KIF6: variants seen among roughly 807,000 people sequenced by gnomAD.
KIF6 encodes kinesin-like protein KIF6.
In KIF6, 106 loss-of-function variants were observed where a neutral mutation model predicts 112.7. The ratio of observed to expected loss-of-function variants is 0.94; its 90% confidence interval spans 0.80 to 1.11. The LOEUF (loss-of-function observed/expected upper bound fraction) is 1.11. KIF6 is among the 50% of genes least tolerant of loss of function. The pLI is 0.00. For missense variants in KIF6, 929 were observed against 964.0 expected (o/e 0.96, Z 0.48); for synonymous variants, 339 against 339.9 (o/e 1.00, Z 0.03).
At chr6:39,368,062 A>T (rs1236659314) in intron 16 of KIF6, among the ~76,000 whole-genome samples, 1 of 152,100 alleles carries the variant, frequency 6.6e-6, no homozygotes, top group African/African-American at 2.4e-5. Context: ...GGCCCTACAG[A>T]AGTTTAGATA....
At chr6:39,553,430 C>A (rs1053432311) in intron 10 of KIF6, among the ~76,000 whole-genome samples, 1 of 152,164 alleles carries the variant, frequency 6.6e-6, no homozygotes, top group African/African-American at 2.4e-5. Flanking sequence ...ATAGCAAATG[C>A]GAAAAATCAA....
At chr6:39,345,918 T>G in intron 20 of KIF6, 129 bp from the exon 21 acceptor site, 1 of 655,416 alleles carries the variant, frequency 1.5e-6, no homozygotes, top group Non-Finnish European at 2.7e-6. Flanking sequence ...GACACCCTAA[T>G]TCCCAGTGTG....
intron 13 of KIF6, among the ~76,000 whole-genome samples, chr6:39,513,912 G>A (rs930525077): frequency 2.0e-5 from 3 of 152,014 alleles, no homozygotes; most frequent in Admixed American, 1.3e-4. Context: ...CCTCTCTATG[G>A]AAAATAATAT....
intron 3 of KIF6, among the ~76,000 whole-genome samples, chr6:39,642,913 G>A (rs1439521207): frequency 6.6e-6 from 1 of 152,058 alleles, no homozygotes; most frequent in Non-Finnish European, 1.5e-5. Flanking sequence ...AGCATTGAAG[G>A]TATGCCCCAA....
chr6:39,337,348 T>C (rs1763089739), intron 22 of KIF6, among the ~76,000 whole-genome samples: 1 of 149,794 alleles, frequency 6.7e-6, no homozygotes, highest in Non-Finnish European at 1.5e-5. Flanking sequence ...AGTCTTGCTC[T>C]GTTACCCAGG....
rs1004439470 is a variant in KIF6 at position 39,399,251 on chromosome 6, G to A, written c.1811-13579C>T. Among the ~76,000 whole-genome samples, 6 of 152,186 alleles carry A rather than the reference G, an allele frequency of 3.9e-5. 1 individual carries two copies. The highest frequency in any genetic ancestry group is 3.3e-4 in the Admixed American group (5 of 15,278). ...ATGATGTGGATGTGTCCTTGTCCAA[G>A]CACCTGCTGTAGCTCTTTGGGAACA... is the stretch of plus-strand genomic sequence containing the variant. On this transcript the variant is annotated intron_variant, in intron 15 of 22. Coordinates refer to ENST00000287152, the MANE Select transcript of KIF6 (RefSeq NM_145027.6).
At chr6:39,506,317 A>G (rs555927075) in intron 13 of KIF6, among the ~76,000 whole-genome samples, 11 of 152,186 alleles carry the variant, frequency 7.2e-5, no homozygotes, top group African/African-American at 2.6e-4. Context: ...ATGAGGACAC[A>G]TGGATGCAGG....
At chr6:39,697,899 A>AT (rs1441799965) in intron 3 of KIF6, among the ~76,000 whole-genome samples, 10 of 152,182 alleles carry the variant, frequency 6.6e-5, no homozygotes, top group African/African-American at 2.4e-4. Flanking sequence ...CATATTAAGG[A>AT]TAAAACAGAT....
intron 13 of KIF6, among the ~76,000 whole-genome samples, chr6:39,520,000 CAACAGAG>C (rs1373180646): frequency 6.6e-6 from 1 of 152,108 alleles, no homozygotes; most frequent in Non-Finnish European, 1.5e-5. Context: ...CCAGCCTGGG[CAACAGAG>C]TGAAACTCCA....
chr6:39,585,040 T>C (rs528015321), intron 8 of KIF6, 56 bp from the exon 9 acceptor site: 29 of 987,784 alleles, frequency 2.9e-5, no homozygotes, highest in South Asian at 2.6e-4. Flanking sequence ...TATTTCTTTC[T>C]AGATAAAACT....
intron 7 of KIF6, among the ~76,000 whole-genome samples, chr6:39,594,238 C>T (rs1298783378): frequency 6.6e-6 from 1 of 151,022 alleles, no homozygotes; most frequent in African/African-American, 2.4e-5. Context: ...AAGGGCAGAA[C>T]ATTTCTCTTG....
At chr6:39,512,847 C>T (rs906437407) in intron 13 of KIF6, among the ~76,000 whole-genome samples, 16 of 152,104 alleles carry the variant, frequency 1.1e-4, no homozygotes, top group African/African-American at 3.9e-4. Flanking sequence ...TTCGAATGCT[C>T]CCTTTCTGAC....
chr6:39,485,747 C>T (rs1466862952), intron 13 of KIF6, among the ~76,000 whole-genome samples: 1 of 152,108 alleles, frequency 6.6e-6, no homozygotes, highest in Non-Finnish European at 1.5e-5. Flanking sequence ...TTTGTTTGAA[C>T]AAGGGATTTA....
chr6:39,526,481 T>C (rs1777735232), intron 13 of KIF6, among the ~76,000 whole-genome samples: 1 of 152,192 alleles, frequency 6.6e-6, no homozygotes, highest in African/African-American at 2.4e-5. Flanking sequence ...TGCTCATAAA[T>C]GGTGACTTCA....
intron 13 of KIF6, among the ~76,000 whole-genome samples, chr6:39,525,012 G>T (rs761231506): frequency 2.0e-5 from 3 of 152,234 alleles, no homozygotes; most frequent in Non-Finnish European, 4.4e-5. Context: ...GGAGCCAAAA[G>T]ATAGGGTTCC....
intron 3 of KIF6, among the ~76,000 whole-genome samples, chr6:39,643,500 A>T (rs1021248308): frequency 6.6e-6 from 1 of 152,214 alleles, no homozygotes; most frequent in East Asian, 1.9e-4. Flanking sequence ...AAAATTAAGA[A>T]TCCAGAAATA....
chr6:39,621,817 T>C (rs10947823), intron 5 of KIF6, among the ~76,000 whole-genome samples: 48,118 of 152,082 alleles, frequency 0.32, 8,066 homozygotes, highest in South Asian at 0.51. Flanking sequence ...TTTTTGCTAA[T>C]ATTTTAGGTT....
At chr6:39,672,334 T>C (rs1290764326) in intron 3 of KIF6, among the ~76,000 whole-genome samples, 1 of 152,210 alleles carries the variant, frequency 6.6e-6, no homozygotes, top group African/African-American at 2.4e-5. Flanking sequence ...TTGGTTTTGT[T>C]ATACGTTTTG....
chr6:39,540,365 C>T (rs1562301363), intron 12 of KIF6, 144 bp from the exon 13 acceptor site: 2 of 607,396 alleles, frequency 3.3e-6, no homozygotes, highest in Non-Finnish European at 5.7e-6. Context: ...CCTGAAGCCC[C>T]ATATATAGCA....
Sources: gnomAD v4.1 joint callset for allele counts (sites outside exome capture counted in the v4.1 genomes callset) on GRCh38, gnomAD v4.1.1 for gene constraint, MANE v1.5 for transcripts, NCBI Gene and HGNC (gene_info 2026-07-23, HGNC 2026-07-21) for gene names.